Variants in PLS3 observed in about 807,000 individuals in gnomAD.
The protein encoded by PLS3 is plastin 3.
Under a neutral mutation model 46.5 loss-of-function variants are expected in PLS3, and 11 were observed. The observed-to-expected ratio is 0.24, with a 90% CI of 0.15 to 0.39. The LOEUF is 0.39. Among genes scored for constraint, PLS3 ranks in the 10% least tolerant of loss-of-function variants. The probability of loss-of-function intolerance (pLI) is 1.00; values close to 1 mark genes in which losing one functional copy is unlikely to be tolerated. For missense variants in PLS3, 308 were observed against 461.8 expected (o/e 0.67, Z 3.05); for synonymous variants, 167 against 162.2 (o/e 1.03, Z -0.22).
chrX:115,624,099 C>T (rs1299501801), intron 3 of PLS3, among the ~76,000 whole-genome samples: 9 of 109,423 alleles, frequency 8.2e-5, no homozygotes, highest in Non-Finnish European at 1.3e-4. Flanking sequence ...CGTGGTGGTG[C>T]GTGCCTGTAA....
At chrX:115,573,109 A>G (rs1436824574) in intron 1 of PLS3, among the ~76,000 whole-genome samples, 2 of 108,602 alleles carry the variant, frequency 1.8e-5, no homozygotes, top group African/African-American at 6.9e-5. Context: ...AAAAAAAAAA[A>G]AGAAAAAAGA....
Position 115,643,366 on chromosome X carries a change from A to G in PLS3, c.1041A>G (p.Leu347=). Residue 347 remains leucine (L), a synonymous_variant, in exon 10 of 16, where the codon TTA becomes TTG. Transcript: ENST00000355899. ...GTATGCTTCAACAAGCAGATAAATT[A>G]GGTTGCAGACAGTTTGTTACCCCTG... The part of the protein sequence containing the change: ...AESMLQQADK[L]GCRQFVTPAD... The G allele has an allele frequency of 8.4e-7, 1 of 1,197,316 alleles. No individual in the cohort carries two copies. Among genetic ancestry groups the G allele is most frequent in the Non-Finnish European group, 1.1e-6 (1 of 882,757 alleles).
At chrX:115,567,110 C>T (rs1446905822) in intron 1 of PLS3, among the ~76,000 whole-genome samples, 3 of 112,054 alleles carry the variant, frequency 2.7e-5, no homozygotes, top group African/African-American at 9.7e-5. Context: ...GTAATTGTTA[C>T]AGAGTCCATT....
intron 1 of PLS3, among the ~76,000 whole-genome samples, chrX:115,590,372 A>G (rs1340114015): frequency 2.7e-5 from 3 of 111,193 alleles, no homozygotes; most frequent in Non-Finnish European, 5.6e-5. Context: ...TTCATTACCC[A>G]TAGTAAAAAC....
In PLS3 at chrX:115,636,453, G is replaced by A. The variant is rs782570935; in HGVS notation, c.749-383G>A. On this transcript the variant is annotated intron_variant, in intron 7 of 15. Coordinates refer to ENST00000355899, the MANE Select transcript of PLS3 (RefSeq NM_005032.7). Reference sequence around the variant, plus strand: ...GATCTCCTGACCTCGTGATCCGCCCGCCTCGGCCTCCCAAAGTGCTGGGAT... The same window carrying A: ...GATCTCCTGACCTCGTGATCCGCCCACCTCGGCCTCCCAAAGTGCTGGGAT... Among the ~76,000 whole-genome samples the A allele has an allele frequency of 5.4e-5, 6 of 111,011 alleles. No homozygotes were observed. The East Asian group carries it at 8.5e-4, about 16-fold the overall frequency.
At chrX:115,625,992 T>C (rs1485785615) in intron 3 of PLS3, among the ~76,000 whole-genome samples, 1 of 112,253 alleles carries the variant, frequency 8.9e-6, no homozygotes, top group African/African-American at 3.2e-5. Flanking sequence ...AGGAGTTAGC[T>C]CACAGATGAT....
At chrX:115,613,941 TA>T (rs1345654094) in intron 2 of PLS3, among the ~76,000 whole-genome samples, 1 of 108,548 alleles carries the variant, frequency 9.2e-6, no homozygotes, top group South Asian at 3.7e-4. Context: ...TGAATTTTTT[TA>T]TTTTTTTATT....
At chrX:115,615,487 CAGAGAG>C (rs72382307) in intron 2 of PLS3, among the ~76,000 whole-genome samples, 3,429 of 73,676 alleles carry the variant, frequency 0.047, 222 homozygotes, top group African/African-American at 0.17. Flanking sequence ...CACGTGTCAT[CAGAGAG>C]AGAGAGAGAG....
rs1340506041 is a variant in PLS3 at position 115,650,488 on chromosome X, T to A, written c.*927T>A. On this transcript the variant is annotated 3_prime_UTR_variant, in exon 16 of 16. Transcript: ENST00000355899. ...TATGCTAAGTGTACAATATATTTTTTAATTTTACACCTGAAACAAAGAAAT... is the reference window on the plus strand; with the variant it reads ...TATGCTAAGTGTACAATATATTTTTAAATTTTACACCTGAAACAAAGAAAT... 2 of 112,120 alleles carry A rather than the reference T, an allele frequency of 1.8e-5. No homozygotes were observed. The highest frequency in any genetic ancestry group is 3.8e-5 in the Non-Finnish European group (2 of 53,202). 9.2% of individuals were successfully genotyped at this position (112,120 alleles called of 1,213,427 possible).
At chrX:115,602,301 A>G (rs1250385629) in intron 1 of PLS3, among the ~76,000 whole-genome samples, 1 of 111,971 alleles carries the variant, frequency 8.9e-6, no homozygotes, top group East Asian at 2.8e-4. Context: ...GTACATACTA[A>G]GCCTTAAGTT....
At chrX:115,646,799 CA>C (rs1462724262) in intron 13 of PLS3, among the ~76,000 whole-genome samples, 1 of 112,049 alleles carries the variant, frequency 8.9e-6, no homozygotes, top group Admixed American at 9.5e-5. Flanking sequence ...CGTTTAGTGT[CA>C]GTGAATTAAA....
rs2074951456 is a variant in PLS3 at position 115,646,339 on chromosome X, AC to A, written c.1378-62del. The A allele has an allele frequency of 5.4e-6, 6 of 1,115,158 alleles. No homozygotes were observed. In the African/African-American group the frequency reaches 7.2e-5, roughly 13 times the overall value. 91.9% of individuals were successfully genotyped at this position (1,115,158 alleles called of 1,213,427 possible). On this transcript the variant is annotated intron_variant, in intron 12 of 15. Coordinates refer to ENST00000355899, the MANE Select transcript of PLS3 (RefSeq NM_005032.7). ...TGATACCTAGCATTATACAAGACACACACACACGTATGCAGATTAAACAAAT... is the reference window on the plus strand; with the variant it reads ...TGATACCTAGCATTATACAAGACACAACACACGTATGCAGATTAAACAAAT...
Position 115,646,347 on chromosome X carries a change from G to A in PLS3, c.1378-55G>A, listed in dbSNP as rs782147589. The A allele has an allele frequency of 8.7e-5, 99 of 1,137,987 alleles. No individual in the cohort carries two copies. The South Asian group carries it at 1.2e-3, about 14-fold the overall frequency. 93.8% of individuals were successfully genotyped at this position (1,137,987 alleles called of 1,213,427 possible). A position where few individuals can be genotyped will look rare whatever the true frequency, so the allele number is the denominator to read the frequency against. ...AGCATTATACAAGACACACACACAC[G>A]TATGCAGATTAAACAAATGGAAGTC... On this transcript the variant is annotated intron_variant, in intron 12 of 15. Coordinates refer to ENST00000355899, the MANE Select transcript of PLS3 (RefSeq NM_005032.7).
At chrX:115,635,072 G>A in intron 7 of PLS3, 26 bp downstream of exon 7, 1 of 1,165,849 alleles carries the variant, frequency 8.6e-7, no homozygotes, top group Non-Finnish European at 1.2e-6. Context: ...CATTCTGGCA[G>A]TTGTTTATTG....
intron 1 of PLS3, among the ~76,000 whole-genome samples, chrX:115,586,560 TCC>T (rs2074310277): frequency 9.7e-6 from 1 of 102,717 alleles, no homozygotes; most frequent in African/African-American, 3.5e-5. Context: ...GTGCCTGTAG[TCC>T]CAGATACTTG....
chrX:115,578,694 A>G (rs1442743594), intron 1 of PLS3, among the ~76,000 whole-genome samples: 1 of 107,194 alleles, frequency 9.3e-6, no homozygotes. Flanking sequence ...CACTGCACAA[A>G]AAAAAAAAAA....
chrX:115,566,476 C>T (rs191352816), intron 1 of PLS3, among the ~76,000 whole-genome samples: 1,247 of 110,349 alleles, frequency 0.011, 24 homozygotes, highest in African/African-American at 0.04. Flanking sequence ...GCAAGCTCCT[C>T]CTCCCGGGTT....
At chrX:115,596,706 G>T (rs781825612) in intron 1 of PLS3, among the ~76,000 whole-genome samples, 3 of 110,887 alleles carry the variant, frequency 2.7e-5, no homozygotes, top group East Asian at 5.7e-4. Flanking sequence ...ATGTGGTGGC[G>T]CATGCTTGTA....
rs782077342 is a variant in PLS3, at chrX:115,633,095, A to T, written c.501-905A>T. On this transcript the variant is annotated intron_variant, in intron 5 of 15. Coordinates refer to ENST00000355899, the MANE Select transcript of PLS3 (RefSeq NM_005032.7). ...TTTCATAAAAGAATGAGAAAAAATT[A>T]AAAAAAATTGAAAGAGAAAGCATGC... Among the ~76,000 whole-genome samples, 16 of 108,508 alleles carry T rather than the reference A, an allele frequency of 1.5e-4. No homozygotes were observed. The South Asian group carries it at 1.5e-3, about 10-fold the overall frequency. 94.2% of individuals were successfully genotyped at this position (108,508 alleles called of 115,157 possible).
Sources: gnomAD v4.1 joint callset for allele counts (sites outside exome capture counted in the v4.1 genomes callset) on GRCh38, gnomAD v4.1.1 for gene constraint, MANE v1.5 for transcripts, NCBI Gene and HGNC (gene_info 2026-07-23, HGNC 2026-07-21) for gene names.